ADCY8: variants seen among roughly 807,000 people sequenced by gnomAD.
ADCY8 encodes the protein adenylate cyclase type 8.
ADCY8 carries 51 observed loss-of-function variants against 119.7 expected under a neutral mutation model. The ratio of observed to expected loss-of-function variants is 0.43; its 90% CI spans 0.34 to 0.54. The LOEUF (loss-of-function observed/expected upper bound fraction) is 0.54, where lower values mean the gene tolerates loss of function less well. Among genes scored for constraint, ADCY8 ranks in the 20% least tolerant of loss-of-function variants. ADCY8 has a pLI of 0.03. For missense variants in ADCY8, 1,383 were observed against 1,598.8 expected, an observed-to-expected ratio of 0.87 and a Z score of 2.30; for synonymous variants, 665 against 651.0, an observed-to-expected ratio of 1.02 and a Z score of -0.33.
intron 2 of ADCY8, among the ~76,000 whole-genome samples, chr8:130,965,764 T>C: frequency 6.6e-6 from 1 of 152,140 alleles, no homozygotes; most frequent in African/African-American, 2.4e-5. Flanking sequence ...AGATAATAAA[T>C]TTATCATTTT....
chr8:130,869,511 T>G (rs1197248263), intron 8 of ADCY8, among the ~76,000 whole-genome samples: 19 of 110,038 alleles, frequency 1.7e-4, no homozygotes, highest in South Asian at 3.7e-4. Context: ...TTTGTTTATT[T>G]TTTTTTGTTT....
At chr8:130,816,417 A>ATT (rs369547834) in intron 13 of ADCY8, among the ~76,000 whole-genome samples, 11 of 121,104 alleles carry the variant, frequency 9.1e-5, no homozygotes, top group Admixed American at 3.6e-4. Context: ...TTCTTAATTA[A>ATT]TTTTTTTTTC....
intron 12 of ADCY8, among the ~76,000 whole-genome samples, chr8:130,832,954 G>A (rs1468722946): frequency 6.6e-6 from 1 of 152,162 alleles, no homozygotes; most frequent in Admixed American, 6.6e-5. Context: ...CAAAGACCCA[G>A]CTTATTCCGT....
chr8:130,812,087 A>C (rs1158141673), intron 14 of ADCY8, among the ~76,000 whole-genome samples: 5 of 152,002 alleles, frequency 3.3e-5, no homozygotes, highest in African/African-American at 1.2e-4. Context: ...TCTTCTCTCC[A>C]TCTCCACTGC....
intron 1 of ADCY8, among the ~76,000 whole-genome samples, chr8:131,021,477 G>A (rs972898478): frequency 2.6e-5 from 4 of 152,096 alleles, no homozygotes; most frequent in African/African-American, 9.7e-5. Flanking sequence ...AATGCAACTG[G>A]GCACATTACC....
chr8:130,836,942 C>T (rs971845376), intron 11 of ADCY8, among the ~76,000 whole-genome samples: 2 of 152,130 alleles, frequency 1.3e-5, no homozygotes, highest in Non-Finnish European at 2.9e-5. Context: ...CCATGTTGGC[C>T]AGGCTGGTCT....
chr8:130,857,067 G>A (rs113396047), intron 9 of ADCY8, among the ~76,000 whole-genome samples: 8,703 of 145,686 alleles, frequency 0.06, 540 homozygotes, highest in African/African-American at 0.16. Flanking sequence ...AACTTTGCAG[G>A]GCACACCAAA....
chr8:130,848,960 G>A (rs1200321587), intron 10 of ADCY8, among the ~76,000 whole-genome samples: 1 of 152,200 alleles, frequency 6.6e-6, no homozygotes, highest in African/African-American at 2.4e-5. Flanking sequence ...GAGATACTCA[G>A]CTTTCCTGAA....
chr8:130,832,487 C>A (rs151015803), intron 12 of ADCY8, among the ~76,000 whole-genome samples: 23 of 152,278 alleles, frequency 1.5e-4, no homozygotes, highest in African/African-American at 5.5e-4. Flanking sequence ...GCGTGAGTAG[C>A]CTACGACTGC....
chr8:131,006,740 G>C (rs1823131334), intron 1 of ADCY8, among the ~76,000 whole-genome samples: 2 of 152,202 alleles, frequency 1.3e-5, no homozygotes, highest in South Asian at 4.2e-4. Context: ...AATAACAAGA[G>C]GTTCTCTCAC....
intron 1 of ADCY8, among the ~76,000 whole-genome samples, chr8:130,991,082 C>T (rs1157332905): frequency 6.6e-6 from 1 of 152,220 alleles, no homozygotes; most frequent in Admixed American, 6.5e-5. Flanking sequence ...TTCATCTCCA[C>T]TTCCATTATT....
intron 2 of ADCY8, among the ~76,000 whole-genome samples, chr8:130,957,815 T>C (rs1586605835): frequency 6.6e-6 from 1 of 152,224 alleles, no homozygotes; most frequent in South Asian, 2.1e-4. Flanking sequence ...TTCCACATGG[T>C]GTTGAGCCTG....
intron 2 of ADCY8, among the ~76,000 whole-genome samples, chr8:130,985,405 CAG>C (rs1822373530): frequency 6.6e-6 from 1 of 151,998 alleles, no homozygotes; most frequent in Non-Finnish European, 1.5e-5. Flanking sequence ...GTGTAAGAAA[CAG>C]TGAATATTTC....
chr8:131,036,416 A>G (rs751395694), intron 1 of ADCY8, among the ~76,000 whole-genome samples: 4 of 152,150 alleles, frequency 2.6e-5, no homozygotes, highest in Non-Finnish European at 5.9e-5. Flanking sequence ...ACATCAGGGC[A>G]CTTGGATATT....
chr8:130,795,942 C>G (rs767496986), intron 15 of ADCY8, among the ~76,000 whole-genome samples: 2 of 152,206 alleles, frequency 1.3e-5, no homozygotes, highest in African/African-American at 4.8e-5. Flanking sequence ...AGCCTTGGAT[C>G]ATGACTGATC....
At chr8:130,951,623 C>T (rs568869125) in intron 3 of ADCY8, among the ~76,000 whole-genome samples, 10 of 152,236 alleles carry the variant, frequency 6.6e-5, no homozygotes, top group East Asian at 1.9e-4. Context: ...AAGACAGACA[C>T]GCCTACTGTA....
intron 11 of ADCY8, among the ~76,000 whole-genome samples, chr8:130,844,204 A>C (rs1475580708): frequency 1.3e-5 from 2 of 152,162 alleles, no homozygotes; most frequent in Admixed American, 1.3e-4. Flanking sequence ...TGAGAACCAC[A>C]TCCAGATGTT....
intron 1 of ADCY8, among the ~76,000 whole-genome samples, chr8:131,029,049 CA>C (rs1823910828): frequency 6.6e-6 from 1 of 152,348 alleles, no homozygotes; most frequent in Admixed American, 6.5e-5. Context: ...TATTTACAGC[CA>C]CTCCCCATCG....
intron 5 of ADCY8, among the ~76,000 whole-genome samples, chr8:130,923,106 G>A (rs1363686003): frequency 6.6e-6 from 1 of 152,042 alleles, no homozygotes; most frequent in Non-Finnish European, 1.5e-5. Context: ...TCCATGTACT[G>A]AACATCACTC....
Sources: gnomAD v4.1 joint callset for allele counts (sites outside exome capture counted in the v4.1 genomes callset) on GRCh38, gnomAD v4.1.1 for gene constraint, MANE v1.5 for transcripts, NCBI Gene and HGNC (gene_info 2026-07-23, HGNC 2026-07-21) for gene names.